The following AEBP2 variants were observed in gnomAD, a reference collection of about 807,000 sequenced individuals.
AEBP2 encodes AE binding protein 2, also known as zinc finger protein AEBP2.
Under a neutral mutation model 50.8 loss-of-function variants are expected in AEBP2, and 10 were observed. That is an observed-to-expected ratio of 0.20 (90% CI 0.12 to 0.33). The LOEUF (loss-of-function observed/expected upper bound fraction) is 0.33, where lower values mean the gene tolerates loss of function less well. AEBP2 is among the 10% of genes least tolerant of loss of function. AEBP2 has a pLI of 1.00. For synonymous variants in AEBP2, 296 were observed against 261.3 expected (o/e 1.13, Z -1.28); for missense variants, 570 against 688.0 (o/e 0.83, Z 1.92).
intron 1 of AEBP2, among the ~76,000 whole-genome samples, chr12:19,415,808 A>G (rs2095742277): frequency 6.6e-6 from 1 of 152,144 alleles, no homozygotes; most frequent in Admixed American, 6.6e-5. Context: ...TTTTCAGCTA[A>G]ATCCCTTAAG....
At chr12:19,507,707 T>C (rs1592780670) in intron 5 of AEBP2, among the ~76,000 whole-genome samples, 1 of 152,018 alleles carries the variant, frequency 6.6e-6, no homozygotes, top group South Asian at 2.1e-4. Context: ...ACATCCATAA[T>C]GAGATAAGGT....
upstream of AEBP2, among the ~76,000 whole-genome samples, chr12:19,434,730 A>G (rs1172644983): frequency 6.6e-6 from 1 of 152,170 alleles, no homozygotes; most frequent in Admixed American, 6.5e-5. Context: ...TTGAGAGTGA[A>G]ATAATGACAT....
chr12:19,424,239 C>T (rs546704570), intron 1 of AEBP2, among the ~76,000 whole-genome samples: 3 of 152,054 alleles, frequency 2.0e-5, no homozygotes, highest in African/African-American at 7.2e-5. Context: ...GAGGGGAAAA[C>T]GTGGCAAAGC....
At chr12:19,512,532 CAA>C in intron 6 of AEBP2, 67 bp downstream of exon 6, 1 of 993,532 alleles carries the variant, frequency 1.0e-6, no homozygotes, top group Non-Finnish European at 1.5e-6. Context: ...ATCTTACACA[CAA>C]AAATTATTTA....
chr12:19,446,235 C>A (rs1321293792), intron 1 of AEBP2, among the ~76,000 whole-genome samples: 1 of 152,178 alleles, frequency 6.6e-6, no homozygotes, highest in Non-Finnish European at 1.5e-5. Context: ...GACGGTATCT[C>A]CTCAGATACT....
chr12:19,452,699 G>C (rs1948184516), intron 1 of AEBP2, among the ~76,000 whole-genome samples: 2 of 152,208 alleles, frequency 1.3e-5, no homozygotes, highest in South Asian at 2.1e-4. Flanking sequence ...TACAACTTCA[G>C]AGTTCTTAAG....
At chr12:19,484,900 T>G (rs1350997876) in intron 3 of AEBP2, among the ~76,000 whole-genome samples, 5 of 152,206 alleles carry the variant, frequency 3.3e-5, no homozygotes, top group Non-Finnish European at 5.9e-5. Flanking sequence ...CAGTGTTTCC[T>G]GTAGTCATAC....
intron 5 of AEBP2, among the ~76,000 whole-genome samples, chr12:19,508,161 C>G (rs1271011141): frequency 1.3e-5 from 2 of 152,036 alleles, no homozygotes; most frequent in Admixed American, 6.6e-5. Flanking sequence ...AATTTTGTTG[C>G]CAAGTCTAGA....
In AEBP2 at chr12:19,493,827, T is replaced by G; in HGVS notation, c.1015T>G (p.Phe339Val). The G allele has an allele frequency of 6.2e-7, 1 of 1,613,880 alleles. No homozygotes were observed. The highest frequency in any genetic ancestry group is 8.5e-7 in the Non-Finnish European group (1 of 1,179,846). ...TGTTGTTGGTGGCTGCAATGCCAGC[T>G]TTGCTTCTCAGGGAGGGCTAGCTCG... ...KCVVGGCNAS[F>V]ASQGGLARHV... The change falls in exon 4 of 8, where the codon TTT becomes GTT. Residue 339 changes from phenylalanine to valine, a missense_variant. Coordinates refer to ENST00000266508, the MANE Select transcript of AEBP2 (RefSeq NM_153207.5).
rs568462333 is a variant in AEBP2, at chr12:19,452,779, G to A, written c.672-9731G>A. ...CCTTTAAGAAATTGATTATAAGGGCGGGAGAGACATAGTGTAATCTTTCTA... is the reference window on the plus strand; with the variant it reads ...CCTTTAAGAAATTGATTATAAGGGCAGGAGAGACATAGTGTAATCTTTCTA... On this transcript the variant is annotated intron_variant, in intron 1 of 7. Coordinates refer to ENST00000266508, the MANE Select transcript of AEBP2 (RefSeq NM_153207.5). Among the ~76,000 whole-genome samples the A allele has an allele frequency of 5.3e-5, 8 of 152,132 alleles. No individual in the cohort carries two copies. In the South Asian group the frequency reaches 6.2e-4, roughly 12 times the overall value.
chr12:19,443,252 ACCC>A (rs1482733198), intron 1 of AEBP2, among the ~76,000 whole-genome samples: 1 of 151,146 alleles, frequency 6.6e-6, no homozygotes, highest in African/African-American at 2.4e-5. Flanking sequence ...GAGTGCCACC[ACCC>A]CTGGCTAATT....
chr12:19,497,476 GT>G (rs1949004255), intron 4 of AEBP2, among the ~76,000 whole-genome samples: 1 of 150,858 alleles, frequency 6.6e-6, no homozygotes, highest in Admixed American at 6.6e-5. Context: ...TTCTGTTTTT[GT>G]TTTTTGTTTT....
chr12:19,456,772 C>T (rs552653989), intron 1 of AEBP2: 2 of 1,585,298 alleles, frequency 1.3e-6, no homozygotes, highest in African/African-American at 2.7e-5. Context: ...GATTTTACTT[C>T]AGTTTTAATG....
At chr12:19,412,177 A>G (rs2095739560) in intron 1 of AEBP2, among the ~76,000 whole-genome samples, 1 of 152,232 alleles carries the variant, frequency 6.6e-6, no homozygotes, top group Admixed American at 6.5e-5. Flanking sequence ...GAGGCCCTGG[A>G]ATCTTGTATC....
chr12:19,467,214 C>CTT (rs59718824), intron 2 of AEBP2, among the ~76,000 whole-genome samples: 8 of 151,068 alleles, frequency 5.3e-5, no homozygotes, highest in Non-Finnish European at 8.9e-5. Flanking sequence ...ACCAATACAC[C>CTT]TTTTTTTTTA....
intron 1 of AEBP2, among the ~76,000 whole-genome samples, chr12:19,459,102 T>G (rs1456047021): frequency 1.3e-5 from 2 of 152,262 alleles, no homozygotes; most frequent in African/African-American, 4.8e-5. Context: ...AGTATTTGCC[T>G]TGGAGTTAAA....
At chr12:19,419,952 G>T (rs941799603) in intron 1 of AEBP2, among the ~76,000 whole-genome samples, 1 of 151,786 alleles carries the variant, frequency 6.6e-6, no homozygotes, top group Admixed American at 6.6e-5. Context: ...GATTATCCTT[G>T]GTACGGTATC....
intron 1 of AEBP2, among the ~76,000 whole-genome samples, chr12:19,458,393 CTG>C (rs1366707667): frequency 6.6e-6 from 1 of 152,190 alleles, no homozygotes; most frequent in Non-Finnish European, 1.5e-5. Context: ...GGGGGAGACT[CTG>C]TGTGGGATGT....
chr12:19,423,747 A>G (rs2095747056), intron 1 of AEBP2, among the ~76,000 whole-genome samples: 1 of 152,332 alleles, frequency 6.6e-6, no homozygotes, highest in African/African-American at 2.4e-5. Flanking sequence ...AGGCTGAAGC[A>G]GGAGAATTGC....
Sources: allele counts gnomAD v4.1 joint callset (sites outside exome capture counted in the v4.1 genomes callset), GRCh38; gene constraint gnomAD v4.1.1; transcripts MANE v1.5; gene names NCBI Gene and HGNC (gene_info 2026-07-23, HGNC 2026-07-21).